The following WDR59 variants were observed in gnomAD, a reference collection of about 807,000 sequenced individuals.
WDR59 encodes GATOR2 complex protein WDR59.
Under a neutral mutation model 131.2 loss-of-function variants are expected in WDR59, and 100 were observed. The ratio of observed to expected loss-of-function variants is 0.76; its 90% confidence interval spans 0.65 to 0.90. The LOEUF (loss-of-function observed/expected upper bound fraction) is 0.90, where lower values mean the gene tolerates loss of function less well. WDR59 is among the 40% of genes least tolerant of loss of function. The probability of loss-of-function intolerance (pLI) is 0.00; values close to 1 mark genes in which losing one functional copy is unlikely to be tolerated. For synonymous variants in WDR59, 601 were observed against 466.2 expected (o/e 1.29, Z -3.72); for missense variants, 1,203 against 1,262.2 (o/e 0.95, Z 0.71).
chr16:74,956,662 A>G (rs777994040), intron 2 of WDR59, 52 bp from the exon 3 acceptor site: 4 of 1,584,174 alleles, frequency 2.5e-6, no homozygotes, highest in East Asian at 2.3e-5. Context: ...CATCATTAGC[A>G]TTAAGATAGA....
intron 17 of WDR59, 146 bp from the exon 18 acceptor site, chr16:74,904,246 A>G (rs1351292953): frequency 1.1e-6 from 1 of 939,098 alleles, no homozygotes; most frequent in African/African-American, 1.7e-5. Flanking sequence ...AACTTTTAAC[A>G]CTGAAAAATG....
chr16:74,980,152 C>G (rs1377195636), intron 1 of WDR59, among the ~76,000 whole-genome samples: 1 of 151,876 alleles, frequency 6.6e-6, no homozygotes, highest in Non-Finnish European at 1.5e-5. Flanking sequence ...AGCCACCATG[C>G]CTGGCCTAAG....
intron 7 of WDR59, among the ~76,000 whole-genome samples, chr16:74,939,914 G>A (rs1232606385): frequency 6.6e-6 from 1 of 152,198 alleles, no homozygotes; most frequent in Non-Finnish European, 1.5e-5. Flanking sequence ...GAGTCCAGGA[G>A]TTTGAGGCTG....
chr16:74,959,097 A>T (rs1259202143), intron 2 of WDR59, among the ~76,000 whole-genome samples: 3 of 152,172 alleles, frequency 2.0e-5, no homozygotes, highest in Non-Finnish European at 4.4e-5. Flanking sequence ...TGTGCAACCC[A>T]TCCACCCAGG....
intron 13 of WDR59, 76 bp from the exon 14 acceptor site, chr16:74,912,438 C>G: frequency 1.4e-6 from 2 of 1,465,350 alleles, no homozygotes; most frequent in Non-Finnish European, 1.9e-6. Context: ...TTTAACTGAA[C>G]GCTCCATGTT....
intron 18 of WDR59, among the ~76,000 whole-genome samples, chr16:74,901,968 A>G (rs991822560): frequency 6.6e-6 from 1 of 152,176 alleles, no homozygotes; most frequent in African/African-American, 2.4e-5. Context: ...ATTCATTTTT[A>G]TCTTGTTAAC....
chr16:74,981,711 A>G (rs1222970956), intron 1 of WDR59, among the ~76,000 whole-genome samples: 1 of 117,954 alleles, frequency 8.5e-6, no homozygotes. Flanking sequence ...GCTGGAGTAC[A>G]GTGGTGAGAT....
intron 1 of WDR59, among the ~76,000 whole-genome samples, chr16:74,977,815 A>G (rs2034248193): frequency 6.6e-6 from 1 of 152,258 alleles, no homozygotes; most frequent in South Asian, 2.1e-4. Context: ...ATGAATACAC[A>G]AATTGCAGTC....
At chr16:74,968,803 A>G (rs1467941241) in intron 1 of WDR59, among the ~76,000 whole-genome samples, 2 of 152,218 alleles carry the variant, frequency 1.3e-5, no homozygotes, top group Non-Finnish European at 2.9e-5. Context: ...TTTAAAAAAA[A>G]GAAAAACTAC....
rs558565753 is a variant in WDR59, at chr16:74,974,272, G to A, written c.55-8450C>T. On this transcript the variant is annotated intron_variant, in intron 1 of 25. Transcript: ENST00000262144. ...GCCCACACTGGGTACTACTAGGTAC[G>A]TCACCTAATCTTTCTGGGGCTCACA... Among the ~76,000 whole-genome samples, 4 of 152,232 alleles carry A rather than the reference G, an allele frequency of 2.6e-5. No individual in the cohort carries two copies. In the East Asian group the frequency reaches 7.7e-4, roughly 29 times the overall value.
Position 74,916,124 on chromosome 16 carries a change from T to A in WDR59, c.1099+3A>T. The A allele has an allele frequency of 6.2e-7, 1 of 1,614,204 alleles. No individual in the cohort carries two copies. Among genetic ancestry groups the A allele is most frequent in the Non-Finnish European group, 8.5e-7 (1 of 1,180,024 alleles). On this transcript the variant is annotated splice_donor_region_variant and intron_variant, in intron 12 of 25. Coordinates refer to ENST00000262144, the MANE Select transcript of WDR59 (RefSeq NM_030581.4). The stretch of plus-strand genomic sequence containing the variant: ...TACCTGAGACATCAGTTTGACAAAT[T>A]ACCTTCTTCCTCCCCATGGCTTGCA...
chr16:74,907,335 A>C (rs1965866184), intron 17 of WDR59, among the ~76,000 whole-genome samples: 1 of 152,140 alleles, frequency 6.6e-6, no homozygotes. Context: ...CAAGGGAGGG[A>C]CACAGTGGGA....
At chr16:74,961,231 C>T (rs967516019) in intron 2 of WDR59, among the ~76,000 whole-genome samples, 1 of 151,946 alleles carries the variant, frequency 6.6e-6, no homozygotes, top group Non-Finnish European at 1.5e-5. Flanking sequence ...TCACTTGAGC[C>T]CTGGAAGTCG....
chr16:74,962,060 T>G (rs1424379772), intron 2 of WDR59, among the ~76,000 whole-genome samples: 1 of 152,196 alleles, frequency 6.6e-6, no homozygotes, highest in African/African-American at 2.4e-5. Context: ...CTTTCCCCAT[T>G]GATTGTTTTT....
chr16:74,908,805 A>C (rs1965940177), intron 17 of WDR59, 103 bp downstream of exon 17: 15 of 805,122 alleles, frequency 1.9e-5, no homozygotes, highest in Non-Finnish European at 3.0e-5. Context: ...TTACTGAAGA[A>C]CTGAAATGCA....
At chr16:74,931,373 T>A (rs761572842) in intron 8 of WDR59, among the ~76,000 whole-genome samples, 6 of 152,168 alleles carry the variant, frequency 3.9e-5, no homozygotes, top group Non-Finnish European at 8.8e-5. Flanking sequence ...TATCCCTTTT[T>A]CAGGCAGGTT....
At chr16:74,886,064 G>C in intron 24 of WDR59, 2 of 699,274 alleles carry the variant, frequency 2.9e-6, no homozygotes, top group South Asian at 2.0e-5. Context: ...TGTAATCCCA[G>C]CTACTCAGGA....
chr16:74,982,316 T>C (rs964278519), intron 1 of WDR59, among the ~76,000 whole-genome samples: 8 of 152,036 alleles, frequency 5.3e-5, no homozygotes, highest in African/African-American at 1.9e-4. Context: ...AAAACCATGC[T>C]AATTCACATA....
intron 18 of WDR59, among the ~76,000 whole-genome samples, chr16:74,895,614 C>A (rs780741699): frequency 6.6e-6 from 1 of 152,162 alleles, no homozygotes; most frequent in Non-Finnish European, 1.5e-5. Context: ...TATCCATACC[C>A]AAGTCATTAT....
Sources: gnomAD v4.1 joint callset for allele counts (sites outside exome capture counted in the v4.1 genomes callset) on GRCh38, gnomAD v4.1.1 for gene constraint, MANE v1.5 for transcripts, NCBI Gene and HGNC (gene_info 2026-07-23, HGNC 2026-07-21) for gene names.